ABCA13: variants seen among roughly 807,000 people sequenced by gnomAD.
ABCA13 encodes ATP binding cassette subfamily A member 13.
A neutral mutation model predicts 478.7 loss-of-function variants in ABCA13; 476 were observed. The ratio of observed to expected loss-of-function variants is 0.99; its 90% CI spans 0.92 to 1.07. The LOEUF is 1.07. Ranked by LOEUF, ABCA13 falls within the 50% of genes least tolerant of loss-of-function variation. The pLI, the probability that ABCA13 is intolerant of heterozygous loss-of-function variation, is 0.00. For missense variants in ABCA13, 6,060 were observed against 5,910.6 expected, an observed-to-expected ratio of 1.03 and a Z score of -0.83; for synonymous variants, 2,252 against 2,158.9, an observed-to-expected ratio of 1.04 and a Z score of -1.20.
At chr7:48,574,109 T>C (rs1377006130) in intron 55 of ABCA13, among the ~76,000 whole-genome samples, 1 of 152,064 alleles carries the variant, frequency 6.6e-6, no homozygotes, top group African/African-American at 2.4e-5. Context: ...CCCAATATTA[T>C]TATTATTATT....
At chr7:48,361,320 A>C (rs938426070) in intron 31 of ABCA13, among the ~76,000 whole-genome samples, 18 of 151,568 alleles carry the variant, frequency 1.2e-4, no homozygotes, top group Non-Finnish European at 2.2e-4. Flanking sequence ...TCAAAAAATG[A>C]AACAATTTTC....
intron 20 of ABCA13, among the ~76,000 whole-genome samples, chr7:48,291,242 C>T (rs1222964862): frequency 2.6e-5 from 4 of 152,084 alleles, no homozygotes; most frequent in Non-Finnish European, 4.4e-5. Flanking sequence ...TCAGCGGAAA[C>T]CTAAGTGAAG....
chr7:48,372,546 AATCT>A (rs1403028502), intron 33 of ABCA13, 49 bp downstream of exon 33: 2 of 1,400,068 alleles, frequency 1.4e-6, no homozygotes, highest in African/African-American at 1.4e-5. Context: ...ACAAAATTGC[AATCT>A]ATCTAACAAG....
intron 5 of ABCA13, among the ~76,000 whole-genome samples, chr7:48,225,243 A>G (rs1165812070): frequency 3.0e-5 from 3 of 99,556 alleles, no homozygotes; most frequent in African/African-American, 4.0e-5. Context: ...CCTCCCTTCC[A>G]TCTTTCCTCT....
chr7:48,625,337 C>T (rs77511814), intron 59 of ABCA13, among the ~76,000 whole-genome samples: 2,435 of 152,276 alleles, frequency 0.016, 55 homozygotes, highest in African/African-American at 0.054. Flanking sequence ...GTTTATGTCA[C>T]TTTCACAAAT....
Position 48,352,915 on chromosome 7 carries a change from C to A in ABCA13, c.10688+428C>A, listed in dbSNP as rs893597875. Among the ~76,000 whole-genome samples, 18 of 151,876 alleles carry A rather than the reference C, an allele frequency of 1.2e-4. No homozygotes were observed. The East Asian group carries it at 2.5e-3, about 21-fold the overall frequency. On this transcript the variant is annotated intron_variant, in intron 31 of 61. Transcript: ENST00000435803. ...GTGAAGGATTCCATACAGGCCTTGA[C>A]CATGGCTTGGGTACCCATGAAGTAA...
At chr7:48,250,017 AT>A (rs752781911) in intron 15 of ABCA13, among the ~76,000 whole-genome samples, 2 of 152,190 alleles carry the variant, frequency 1.3e-5, no homozygotes, top group East Asian at 3.9e-4. Flanking sequence ...CTTCTGATCA[AT>A]TGGGTATAAA....
chr7:48,336,943 C>A (rs1231738410), intron 28 of ABCA13, among the ~76,000 whole-genome samples: 2 of 152,146 alleles, frequency 1.3e-5, no homozygotes, highest in Admixed American at 6.5e-5. Context: ...CGAGAATGTA[C>A]AAATATCTAG....
intron 41 of ABCA13, among the ~76,000 whole-genome samples, chr7:48,422,071 A>G (rs1324025482): frequency 1.4e-5 from 2 of 141,808 alleles, no homozygotes; most frequent in African/African-American, 2.7e-5. Flanking sequence ...AAAAAAAAAA[A>G]AAAAAAAAAA....
chr7:48,195,265 A>G (rs1208679780), intron 2 of ABCA13, among the ~76,000 whole-genome samples: 1 of 152,226 alleles, frequency 6.6e-6, no homozygotes, highest in Non-Finnish European at 1.5e-5. Flanking sequence ...GGAGCCATTG[A>G]AAGGTTTCAG....
chr7:48,203,353 A>G (rs548689850), intron 3 of ABCA13, among the ~76,000 whole-genome samples: 2 of 152,356 alleles, frequency 1.3e-5, no homozygotes, highest in South Asian at 2.1e-4. Flanking sequence ...CAGCCCAGAA[A>G]GGGACTCCCA....
Position 48,481,129 on chromosome 7 carries a change from T to G in ABCA13, c.13069T>G (p.Leu4357Val). Reference protein sequence around the residue: ...NLSGFNMEEYLLAPSEKPRLG... With the variant: ...NLSGFNMEEYVLAPSEKPRLG... ...CTCAGGCTTCAATATGGAGGAGTAC[T>G]TGCTGGCACCATCTGAAAAACCAAG... Residue 4357 changes from leucine to valine, a missense_variant, in exon 46 of 62, where the codon TTG (leucine) becomes GTG (valine). By Grantham distance (32) the Leu-to-Val change is conservative. Coordinates refer to ENST00000435803, the MANE Select transcript of ABCA13 (RefSeq NM_152701.5). The G allele has an allele frequency of 6.3e-7, 1 of 1,592,198 alleles. No homozygotes were observed. Among genetic ancestry groups the G allele is most frequent in the Non-Finnish European group, 8.6e-7 (1 of 1,168,580 alleles).
rs756038088 is a variant in ABCA13, at chr7:48,350,742, G to A, written c.10304G>A (p.Arg3435His). The A allele has an allele frequency of 5.0e-5, 81 of 1,613,806 alleles. No individual in the cohort carries two copies. Among genetic ancestry groups the A allele is most frequent in the Admixed American group, 8.3e-5 (5 of 59,998 alleles). Residue 3435 changes from arginine (R) to histidine (H), a missense_variant, in exon 30 of 62, where the codon CGT (arginine) becomes CAT (histidine). Coordinates refer to ENST00000435803, the MANE Select transcript of ABCA13 (RefSeq NM_152701.5). ...CTCTCTTCCTGCGTGGCACTGAACC[G>A]TTTCCAGGCTCTGCAGTCTGTCGAC... ...VNLSSCVALNRFQALQSVDIL... is the reference protein window; with the variant it reads ...VNLSSCVALNHFQALQSVDIL...
chr7:48,485,912 A>G (rs6583446), intron 47 of ABCA13, among the ~76,000 whole-genome samples: 63,861 of 151,926 alleles, frequency 0.42, 15,142 homozygotes, highest in African/African-American at 0.64. Flanking sequence ...TTCCCCTTCC[A>G]TTGCCCTCCA....
At chr7:48,463,786 T>C (rs1017868294) in intron 43 of ABCA13, among the ~76,000 whole-genome samples, 1 of 97,692 alleles carries the variant, frequency 1.0e-5, no homozygotes, top group South Asian at 2.8e-4. Context: ...CGGAATGGAA[T>C]GGAATGGAAT....
chr7:48,466,749 T>G (rs1174601561), intron 43 of ABCA13, among the ~76,000 whole-genome samples: 1 of 152,202 alleles, frequency 6.6e-6, no homozygotes, highest in Non-Finnish European at 1.5e-5. Flanking sequence ...ATGGCAAAAC[T>G]ATACTTGTAA....
chr7:48,202,185 G>A (rs557093473), intron 3 of ABCA13, among the ~76,000 whole-genome samples: 1 of 151,982 alleles, frequency 6.6e-6, no homozygotes, highest in Non-Finnish European at 1.5e-5. Context: ...GTGGCTTGCC[G>A]CTGCTGGCTA....
chr7:48,581,826 C>T (rs1340721534), intron 56 of ABCA13, among the ~76,000 whole-genome samples: 1 of 152,124 alleles, frequency 6.6e-6, no homozygotes, highest in African/African-American at 2.4e-5. Flanking sequence ...AAGATGTCTG[C>T]ACACTTTTGC....
intron 55 of ABCA13, among the ~76,000 whole-genome samples, chr7:48,550,265 C>CTTTTTTTTTTTTTTTTTTT (rs57540403): frequency 5.4e-5 from 8 of 148,322 alleles, no homozygotes; most frequent in South Asian, 2.1e-4. Context: ...CTCTATTTTT[C>CTTTTTTTTTTTTTTTTTTT]TTTTTTTTGG....
Sources: gnomAD v4.1 joint callset for allele counts (sites outside exome capture counted in the v4.1 genomes callset) on GRCh38, gnomAD v4.1.1 for gene constraint, MANE v1.5 for transcripts, NCBI Gene and HGNC (gene_info 2026-07-23, HGNC 2026-07-21) for gene names.